DCDC1: variants seen among roughly 807,000 people sequenced by gnomAD.
DCDC1 encodes the protein doublecortin domain containing 1.
Under a neutral mutation model 178.3 loss-of-function variants are expected in DCDC1, and 200 were observed. That is an observed-to-expected ratio of 1.12 (90% CI 1.00 to 1.26). DCDC1 has a LOEUF of 1.26. DCDC1 is among the 50% of genes most tolerant of loss of function. The probability of loss-of-function intolerance (pLI) is 0.00; values close to 1 mark genes in which losing one functional copy is unlikely to be tolerated. For synonymous variants in DCDC1, 690 were observed against 604.8 expected (o/e 1.14, Z -2.07); for missense variants, 1,983 against 1,749.2 (o/e 1.13, Z -2.38).
chr11:31,066,252 A>G (rs1308313831), intron 18 of DCDC1, among the ~76,000 whole-genome samples: 1 of 152,128 alleles, frequency 6.6e-6, no homozygotes, highest in Non-Finnish European at 1.5e-5. Flanking sequence ...CCTTACATGG[A>G]AGTAATTTCC....
chr11:31,277,029 A>G (rs1363737485), intron 7 of DCDC1, among the ~76,000 whole-genome samples: 1 of 152,168 alleles, frequency 6.6e-6, no homozygotes, highest in African/African-American at 2.4e-5. Context: ...AAGTAGGTGC[A>G]GTTGATGCAG....
At chr11:31,035,227 A>G (rs926414848) in intron 20 of DCDC1, among the ~76,000 whole-genome samples, 2 of 152,210 alleles carry the variant, frequency 1.3e-5, no homozygotes, top group African/African-American at 4.8e-5. Flanking sequence ...TTGCATTACC[A>G]TTGCATGATT....
chr11:31,069,803 A>G (rs1956447736), intron 18 of DCDC1, among the ~76,000 whole-genome samples: 1 of 152,248 alleles, frequency 6.6e-6, no homozygotes, highest in South Asian at 2.1e-4. Flanking sequence ...TACTAGAAAG[A>G]AGATGTACAT....
At chr11:31,097,903 C>T (rs1958255026) in intron 15 of DCDC1, among the ~76,000 whole-genome samples, 1 of 152,282 alleles carries the variant, frequency 6.6e-6, no homozygotes, top group Non-Finnish European at 1.5e-5. Flanking sequence ...CAGAATAATA[C>T]AGTACTTCAG....
chr11:31,197,238 A>G (rs1219426700), intron 9 of DCDC1, among the ~76,000 whole-genome samples: 1 of 152,150 alleles, frequency 6.6e-6, no homozygotes, highest in African/African-American at 2.4e-5. Context: ...CACATTCAAC[A>G]TAAAAAAGTC....
intron 20 of DCDC1, among the ~76,000 whole-genome samples, chr11:31,012,574 C>T (rs533125837): frequency 1.0e-4 from 15 of 148,906 alleles, no homozygotes; most frequent in Admixed American, 8.7e-4. Flanking sequence ...CATTGCATTC[C>T]GGCCTGGGTG....
intron 20 of DCDC1, among the ~76,000 whole-genome samples, chr11:31,057,103 G>A (rs907024888): frequency 1.2e-4 from 18 of 151,928 alleles, no homozygotes; most frequent in African/African-American, 4.1e-4. Flanking sequence ...ATGGTGGTGC[G>A]TGCCTGTAAT....
intron 8 of DCDC1, among the ~76,000 whole-genome samples, chr11:31,262,406 T>C (rs1321255437): frequency 1.3e-5 from 2 of 152,204 alleles, no homozygotes; most frequent in Non-Finnish European, 2.9e-5. Flanking sequence ...TTATTTCTCA[T>C]AGCATAGAAG....
At chr11:30,908,451 C>A (rs1386973561) in intron 29 of DCDC1, among the ~76,000 whole-genome samples, 3 of 151,930 alleles carry the variant, frequency 2.0e-5, no homozygotes, top group African/African-American at 7.3e-5. Context: ...AATGTTAGGG[C>A]AACCTGGGAA....
In DCDC1 at chr11:31,241,600, T is replaced by C. The variant is rs777960937; in HGVS notation, c.1071A>G (p.Lys357=). 1 of 397,006 alleles carries C rather than the reference T, an allele frequency of 2.5e-6. No homozygotes were observed. Among genetic ancestry groups the C allele is most frequent in the South Asian group, 1.3e-4 (1 of 7,838 alleles). The allele number at this position is 397,006 out of a possible 1,614,324, so 24.6% of individuals were successfully genotyped here. A position where few individuals can be genotyped will look rare whatever the true frequency, so the allele number is the denominator to read the frequency against. The change falls in exon 9 of 39, where the codon AAA becomes AAG. Residue 357 remains lysine, a synonymous_variant. Coordinates refer to ENST00000684477, the MANE Select transcript of DCDC1 (RefSeq NM_001387274.1). ...EDISKVPLLE[K]CLQNSITPLR... ...AAGGTGTGATGGAATTTTGCAGGCATTTTTCAAGCAGAGGAACTATGCAAG... is the reference window on the plus strand; with the variant it reads ...AAGGTGTGATGGAATTTTGCAGGCACTTTTCAAGCAGAGGAACTATGCAAG...
chr11:31,280,325 C>T (rs1030557094), intron 7 of DCDC1, among the ~76,000 whole-genome samples: 1 of 152,122 alleles, frequency 6.6e-6, no homozygotes, highest in African/African-American at 2.4e-5. Flanking sequence ...TTCACATAAC[C>T]AGTTACATAC....
intron 38 of DCDC1, among the ~76,000 whole-genome samples, chr11:30,868,889 G>A (rs1467934874): frequency 6.6e-6 from 1 of 152,220 alleles, no homozygotes; most frequent in Non-Finnish European, 1.5e-5. Flanking sequence ...TTTATGGAAT[G>A]AGAATTCTGG....
intron 20 of DCDC1, among the ~76,000 whole-genome samples, chr11:31,001,281 A>G (rs956077064): frequency 1.3e-5 from 2 of 152,176 alleles, no homozygotes; most frequent in African/African-American, 4.8e-5. Flanking sequence ...CTTATAAACC[A>G]TATTAAGTGG....
intron 20 of DCDC1, among the ~76,000 whole-genome samples, chr11:31,015,940 A>C (rs1952462863): frequency 6.6e-6 from 1 of 152,242 alleles, no homozygotes; most frequent in Non-Finnish European, 1.5e-5. Flanking sequence ...TAACATGCAA[A>C]GGTCAAAATG....
chr11:31,023,295 G>A (rs1168614022), intron 20 of DCDC1, among the ~76,000 whole-genome samples: 2 of 152,012 alleles, frequency 1.3e-5, no homozygotes, highest in Non-Finnish European at 2.9e-5. Flanking sequence ...AATAATATAT[G>A]TATTGATTCC....
chr11:31,309,640 T>A (rs547565324), intron 3 of DCDC1, among the ~76,000 whole-genome samples: 157 of 152,140 alleles, frequency 1.0e-3, no homozygotes, highest in African/African-American at 2.9e-3. Flanking sequence ...CATATTTTTT[T>A]AAAAAAATGG....
intron 17 of DCDC1, among the ~76,000 whole-genome samples, chr11:31,083,742 C>T (rs1264148613): frequency 1.3e-5 from 2 of 152,164 alleles, no homozygotes; most frequent in Admixed American, 1.3e-4. Context: ...ACATGCAAGC[C>T]AAACAAAATC....
At chr11:31,029,616 A>T (rs1953486742) in intron 20 of DCDC1, among the ~76,000 whole-genome samples, 1 of 152,102 alleles carries the variant, frequency 6.6e-6, no homozygotes, top group South Asian at 2.1e-4. Context: ...TTCTCTCACT[A>T]CTATAAATTT....
chr11:31,337,497 T>C (rs78886110), intron 1 of DCDC1, among the ~76,000 whole-genome samples: 3,115 of 152,294 alleles, frequency 0.02, 96 homozygotes, highest in African/African-American at 0.07. Context: ...AGTGAGACCC[T>C]GACTCTACAA....
Sources: allele counts gnomAD v4.1 joint callset (sites outside exome capture counted in the v4.1 genomes callset), GRCh38; gene constraint gnomAD v4.1.1; transcripts MANE v1.5; gene names NCBI Gene and HGNC (gene_info 2026-07-23, HGNC 2026-07-21).